Variants in RBBP8 observed in about 807,000 individuals in gnomAD.
The protein encoded by RBBP8 is RB binding protein 8, endonuclease, also known as DNA endonuclease RBBP8.
A neutral mutation model predicts 108.3 loss-of-function variants in RBBP8; 88 were observed. That is an observed-to-expected ratio of 0.81 (90% CI 0.68 to 0.97). The LOEUF (loss-of-function observed/expected upper bound fraction) is 0.97, where lower values mean the gene tolerates loss of function less well. Among genes scored for constraint, RBBP8 ranks in the 50% least tolerant of loss-of-function variants. The pLI is 0.00. For missense variants in RBBP8, 1,023 were observed against 1,049.0 expected, an observed-to-expected ratio of 0.98 and a Z score of 0.34; for synonymous variants, 332 against 348.2, an observed-to-expected ratio of 0.95 and a Z score of 0.52.
intron 16 of RBBP8, among the ~76,000 whole-genome samples, chr18:23,011,930 G>A (rs975452953): frequency 1.3e-5 from 2 of 151,940 alleles, no homozygotes; most frequent in Non-Finnish European, 2.9e-5. Flanking sequence ...TAAGAACCCT[G>A]CAATGGAAGC....
chr18:22,915,670 T>C (rs1044823356), intron 2 of RBBP8, among the ~76,000 whole-genome samples: 13 of 152,152 alleles, frequency 8.5e-5, no homozygotes, highest in Non-Finnish European at 1.9e-4. Context: ...AGGTAATATA[T>C]ATATACCAAT....
chr18:22,975,087 T>C (rs777075584), intron 5 of RBBP8, 66 bp from the exon 6 acceptor site: 22 of 1,486,436 alleles, frequency 1.5e-5, no homozygotes, highest in Non-Finnish European at 1.9e-5. Flanking sequence ...CATATTTTAT[T>C]TGAAAGCCTA....
At chr18:22,967,404 C>T (rs1913705717) in intron 4 of RBBP8, among the ~76,000 whole-genome samples, 1 of 151,468 alleles carries the variant, frequency 6.6e-6, no homozygotes, top group Non-Finnish European at 1.5e-5. Flanking sequence ...AATTTATTTC[C>T]TGAATTCTTA....
chr18:22,929,088 T>C (rs73396877), upstream of RBBP8, among the ~76,000 whole-genome samples: 2,308 of 152,218 alleles, frequency 0.015, 51 homozygotes, highest in African/African-American at 0.053. Context: ...AGGGAGGCTG[T>C]TGCCTAGGTA....
Position 22,933,460 on chromosome 18 carries a change from G to A in RBBP8, c.-203G>A, listed in dbSNP as rs1165241452. ...ACCGAGGATTTGGCACTCTGGTGAG[G>A]GAAAAGGGCGAAAGAGAAAAGCGAG... On this transcript the variant is annotated 5_prime_UTR_variant, in exon 1 of 19. Coordinates refer to ENST00000327155, the MANE Select transcript of RBBP8 (RefSeq NM_002894.3). The A allele has an allele frequency of 2.6e-5, 4 of 154,286 alleles. No individual in the cohort carries two copies. Among genetic ancestry groups the A allele is most frequent in the African/African-American group, 9.6e-5 (4 of 41,506 alleles). 9.6% of individuals were successfully genotyped at this position (154,286 alleles called of 1,614,324 possible). A position where few individuals can be genotyped will look rare whatever the true frequency, so the allele number is the denominator to read the frequency against.
At chr18:22,928,950 G>A (rs1371723630), upstream of RBBP8, among the ~76,000 whole-genome samples, 1 of 152,126 alleles carries the variant, frequency 6.6e-6, no homozygotes, top group Non-Finnish European at 1.5e-5. Context: ...GATTATAGGC[G>A]TAAGCTACCG....
chr18:22,970,142 G>T (rs1913965350), intron 5 of RBBP8, among the ~76,000 whole-genome samples: 1 of 152,148 alleles, frequency 6.6e-6, no homozygotes, highest in Non-Finnish European at 1.5e-5. Flanking sequence ...CACTTCATTT[G>T]TGTGAATTAA....
At chr18:22,983,007 T>C (rs1240477777) in intron 7 of RBBP8, among the ~76,000 whole-genome samples, 2 of 152,236 alleles carry the variant, frequency 1.3e-5, no homozygotes, top group Non-Finnish European at 2.9e-5. Flanking sequence ...TTATTTGTTG[T>C]AATTTGTAGG....
intron 16 of RBBP8, among the ~76,000 whole-genome samples, chr18:23,009,752 T>C (rs1018804099): frequency 6.6e-6 from 1 of 152,120 alleles, no homozygotes; most frequent in Non-Finnish European, 1.5e-5. Context: ...TATAGAATAT[T>C]ATATATACTT....
At position 22,992,934 on chromosome 18, in the gene RBBP8, A is replaced by G; in HGVS notation, c.1107A>G (p.Ile369Met). Reference sequence around the variant, plus strand: ...CACTCCCTTTTAGCAACACTTGTATATCTAGATTAGAAAAAACTAGATCAA... The same window carrying G: ...CACTCCCTTTTAGCAACACTTGTATGTCTAGATTAGAAAAAACTAGATCAA... Reference protein sequence around the residue: ...LKTLPFSNTCISRLEKTRSKS... With the variant: ...LKTLPFSNTCMSRLEKTRSKS... Residue 369 changes from isoleucine to methionine, a missense_variant, in exon 11 of 19, where the codon ATA becomes ATG. Physicochemically the swap from Ile to Met is conservative, Grantham distance 10. Transcript: ENST00000327155. 6.2e-7 allele frequency: 1 copy of G among 1,613,830 alleles called. No homozygotes were observed. The highest frequency in any genetic ancestry group is 8.5e-7 in the Non-Finnish European group (1 of 1,179,740).
intron 16 of RBBP8, among the ~76,000 whole-genome samples, chr18:23,007,623 G>A (rs1334183411): frequency 2.7e-5 from 4 of 150,338 alleles, no homozygotes; most frequent in African/African-American, 4.9e-5. Flanking sequence ...GCGTGAACTC[G>A]GGAGGTGGAG....
At chr18:22,955,227 A>T (rs1179233959) in intron 4 of RBBP8, among the ~76,000 whole-genome samples, 1 of 152,112 alleles carries the variant, frequency 6.6e-6, no homozygotes, top group Non-Finnish European at 1.5e-5. Flanking sequence ...AGGTGGTATT[A>T]ATTTGGTGGC....
intron 18 of RBBP8, among the ~76,000 whole-genome samples, chr18:23,025,250 G>A (rs1598759708): frequency 6.6e-6 from 1 of 152,232 alleles, no homozygotes; most frequent in Non-Finnish European, 1.5e-5. Flanking sequence ...GCAAGACCCT[G>A]TTTCAAAAAA....
chr18:23,003,875 G>T (rs139438757), intron 15 of RBBP8, among the ~76,000 whole-genome samples: 2 of 151,594 alleles, frequency 1.3e-5, no homozygotes, highest in African/African-American at 4.8e-5. Flanking sequence ...TGGCTAACAC[G>T]CTGAAACCCC....
chr18:22,967,884 T>A (rs1314605082), intron 4 of RBBP8, among the ~76,000 whole-genome samples: 2 of 152,102 alleles, frequency 1.3e-5, no homozygotes, highest in Non-Finnish European at 2.9e-5. Flanking sequence ...CCTGACCTTG[T>A]GTTCCGCCCG....
chr18:22,924,542 C>T (rs1488757777), intron 3 of RBBP8, among the ~76,000 whole-genome samples: 1 of 152,166 alleles, frequency 6.6e-6, no homozygotes, highest in Non-Finnish European at 1.5e-5. Flanking sequence ...CCGCTTCAGC[C>T]TCCTGAGTAG....
chr18:23,021,942 A>T (rs2046351794), intron 17 of RBBP8, among the ~76,000 whole-genome samples, 187 bp from the exon 18 acceptor site: 1 of 152,146 alleles, frequency 6.6e-6, no homozygotes, highest in African/African-American at 2.4e-5. Flanking sequence ...ATCAGCACTG[A>T]TTACTGTTAG....
intron 17 of RBBP8, 113 bp downstream of exon 17, chr18:23,017,037 G>C (rs2046268302): frequency 1.2e-6 from 1 of 845,684 alleles, no homozygotes. Flanking sequence ...CCTCTTATTT[G>C]AGCCAGGCGT....
intron 3 of RBBP8, among the ~76,000 whole-genome samples, chr18:22,917,640 A>G (rs1234543734): frequency 6.6e-6 from 1 of 152,160 alleles, no homozygotes; most frequent in East Asian, 1.9e-4. Context: ...AGTCAACTTT[A>G]ACTTAGAATA....
Sources: allele counts gnomAD v4.1 joint callset (sites outside exome capture counted in the v4.1 genomes callset), GRCh38; gene constraint gnomAD v4.1.1; transcripts MANE v1.5; gene names NCBI Gene and HGNC (gene_info 2026-07-23, HGNC 2026-07-21).